Variants in RNF123 observed in about 807,000 individuals in gnomAD.
The protein encoded by RNF123 is ring finger protein 123.
A neutral mutation model predicts 168.5 loss-of-function variants in RNF123; 86 were observed. The ratio of observed to expected loss-of-function variants is 0.51; its 90% CI spans 0.43 to 0.61. RNF123 has a LOEUF of 0.61. Among genes scored for constraint, RNF123 ranks in the 20% least tolerant of loss-of-function variants. The pLI is 0.00. For missense variants in RNF123, 1,419 were observed against 1,729.7 expected, an observed-to-expected ratio of 0.82 and a Z score of 3.19; for synonymous variants, 666 against 689.1, an observed-to-expected ratio of 0.97 and a Z score of 0.52.
intron 26 of RNF123, among the ~76,000 whole-genome samples, chr3:49,710,664 T>A (rs921255464): frequency 6.6e-6 from 1 of 152,240 alleles, no homozygotes; most frequent in Non-Finnish European, 1.5e-5. Context: ...TTTCTACTTA[T>A]AAAATCATGT....
At chr3:49,717,746 G>A in intron 35 of RNF123, 1 of 633,846 alleles carries the variant, frequency 1.6e-6, no homozygotes, top group Non-Finnish European at 2.7e-6. Context: ...GTCCTGTGCA[G>A]GGGCAGAGCA....
rs780652889 is a variant in RNF123 at position 49,699,073 on chromosome 3, C to A, written c.732C>A (p.Ser244=). 1 of 1,613,778 alleles carries A rather than the reference C, an allele frequency of 6.2e-7. No homozygotes were observed. Among genetic ancestry groups the A allele is most frequent in the African/African-American group, 1.3e-5 (1 of 75,040 alleles). Reference sequence around the variant, plus strand: ...CCATCAGCCTCTCTTTCAAGGAGTCCGTGGCCTTCAACTTTGGCAGCCGTC... The same window carrying A: ...CCATCAGCCTCTCTTTCAAGGAGTCAGTGGCCTTCAACTTTGGCAGCCGTC... ...FPAISLSFKE[S]VAFNFGSRPL... Residue 244 remains serine, a synonymous_variant, in exon 10 of 39, where the codon TCC becomes TCA. Coordinates refer to ENST00000327697, the MANE Select transcript of RNF123 (RefSeq NM_022064.5). This position sits in a 1 kb window ranked among gnomAD's most constrained non-coding sequence, Gnocchi z 4.8.
rs373600066 is a variant in RNF123 at position 49,713,735 on chromosome 3, C to T, written c.2750-3C>T. The T allele has an allele frequency of 2.6e-5, 41 of 1,597,780 alleles. No homozygotes were observed. In the African/African-American group the frequency reaches 5.4e-4, roughly 21 times the overall value. On this transcript the variant is annotated splice_polypyrimidine_tract_variant and splice_region_variant and intron_variant, in intron 28 of 38. Transcript: ENST00000327697. ...CCTGCTGAGGCACGGTGTGTCCCCGCAGACATCCGAGACTCACTGATGCAG... is the reference window on the plus strand; with the variant it reads ...CCTGCTGAGGCACGGTGTGTCCCCGTAGACATCCGAGACTCACTGATGCAG...
chr3:49,711,152 A>G, intron 26 of RNF123, among the ~76,000 whole-genome samples: 1 of 152,180 alleles, frequency 6.6e-6, no homozygotes, highest in East Asian at 1.9e-4. Context: ...CCTGGCCAAC[A>G]TGGCGAAACC....
rs146592630 is a variant in RNF123 at position 49,699,681 on chromosome 3, T to C, written c.893T>C (p.Leu298Ser). ...VELDPVEGRLLDKESSKWRLR... is the reference protein window; with the variant it reads ...VELDPVEGRLSDKESSKWRLR... ...CCCTCCACACAGGAGGGGCGGCTGT[T>C]GGACAAGGAGAGCTCCAAGTGGCGG... The change falls in exon 12 of 39, where the codon TTG becomes TCG. Residue 298 changes from leucine to serine, a missense_variant. By Grantham distance (145) the Leu-to-Ser change is moderately radical (BLOSUM62 -2). Transcript: ENST00000327697. This position sits in a 1 kb window ranked among gnomAD's most constrained non-coding sequence, Gnocchi z 4.8. The C allele has an allele frequency of 4.3e-6, 7 of 1,613,830 alleles. No homozygotes were observed. The African/African-American group carries it at 8.0e-5, about 18-fold the overall frequency.
At chr3:49,706,973 C>T (rs2054531957) in intron 26 of RNF123, 75 bp downstream of exon 26, 12 of 1,193,444 alleles carry the variant, frequency 1.0e-5, no homozygotes, top group Non-Finnish European at 1.2e-5. Flanking sequence ...TGCCAGGGCC[C>T]TTGATGCCCC....
chr3:49,707,001 G>A, intron 26 of RNF123, 103 bp downstream of exon 26: 2 of 844,122 alleles, frequency 2.4e-6, no homozygotes, highest in Non-Finnish European at 4.0e-6. Context: ...TCAGGCCTCT[G>A]GCACACACAT....
intron 21 of RNF123, 140 bp from the exon 22 acceptor site, chr3:49,704,510 G>A (rs1287251092): frequency 9.2e-6 from 6 of 649,988 alleles, no homozygotes; most frequent in Non-Finnish European, 1.6e-5. Flanking sequence ...AGGCGGAGGG[G>A]CGAGGGGCAG....
At chr3:49,698,856 C>A in intron 9 of RNF123, 34 bp downstream of exon 9, 1 of 1,610,200 alleles carries the variant, frequency 6.2e-7, no homozygotes, top group Non-Finnish European at 8.5e-7. Context: ...AGGCCTGGCC[C>A]CTGGGGCCTC....
chr3:49,718,041 T>C, intron 35 of RNF123: 2 of 1,613,680 alleles, frequency 1.2e-6, no homozygotes, highest in Admixed American at 1.7e-5. Context: ...AGAGATCGAA[T>C]TCCTCAGCTA....
intron 3 of RNF123, among the ~76,000 whole-genome samples, chr3:49,693,096 T>C (rs906972798): frequency 3.3e-5 from 5 of 151,726 alleles, no homozygotes; most frequent in African/African-American, 9.7e-5. Flanking sequence ...TTGCCCAGGC[T>C]GGAGTGCAGG....
rs1034941768 is a variant in RNF123, at chr3:49,703,486, C to T, written c.1810C>T (p.Arg604Cys). 5.0e-6 allele frequency: 8 copies of T among 1,614,024 alleles called. No individual in the cohort carries two copies. The highest frequency in any genetic ancestry group is 2.2e-5 in the East Asian group (1 of 44,862). Residue 604 changes from arginine to cysteine, a missense_variant, in exon 21 of 39, where the codon CGC (arginine) becomes TGC (cysteine). Physicochemically the swap from Arg to Cys is radical, Grantham distance 180. This residue lies in a region of RNF123 where 349 missense variants were observed against 344.9 expected (regional missense o/e 1.01). Transcript: ENST00000327697. The part of the protein sequence containing the change: ...NGKVDYFDLQ[R>C]LGGLLSHLRK... ...CAAGGTGGACTACTTTGACCTGCAG[C>T]GCCTGGGGGGCCTCCTCTCGCACCT...
chr3:49,706,575 C>G (rs530619610), intron 25 of RNF123, among the ~76,000 whole-genome samples: 1 of 152,362 alleles, frequency 6.6e-6, no homozygotes, highest in Admixed American at 6.5e-5. Context: ...CCAGCTGGGC[C>G]TCACTTCCAT....
Position 49,705,027 on chromosome 3 carries a change from C to T in RNF123, c.2003C>T (p.Pro668Leu). Residue 668 changes from proline (P) to leucine (L), a missense_variant, in exon 23 of 39, where the codon CCC becomes CTC. Coordinates refer to ENST00000327697, the MANE Select transcript of RNF123 (RefSeq NM_022064.5). ...GCTGTTGGGGGGCCACTGCCCCTGC[C>T]CCGGCCCGGCTGGCTCAGTTCTCCA... ...ALAVGGPLPLPRPGWLSSPTL... is the reference protein window; with the variant it reads ...ALAVGGPLPLLRPGWLSSPTL... 6.2e-7 allele frequency: 1 copy of T among 1,609,794 alleles called. No individual in the cohort carries two copies. Among genetic ancestry groups the T allele is most frequent in the Non-Finnish European group, 8.5e-7 (1 of 1,178,832 alleles).
rs1261581193 is a variant in RNF123, at chr3:49,700,489, T to C, written c.1128T>C (p.Asp376=). Residue 376 remains aspartate, a synonymous_variant, in exon 14 of 39, where the codon GAT becomes GAC. Coordinates refer to ENST00000327697, the MANE Select transcript of RNF123 (RefSeq NM_022064.5). ...WLFMEDYEVQ[D]CLKQLMMSLL... Reference sequence around the variant, plus strand: ...TCCCCCAGGACTACGAGGTACAAGATTGCCTCAAGCAGTTGATGATGTCTC... The same window carrying C: ...TCCCCCAGGACTACGAGGTACAAGACTGCCTCAAGCAGTTGATGATGTCTC... 1 of 1,614,122 alleles carries C rather than the reference T, an allele frequency of 6.2e-7. No homozygotes were observed. The highest frequency in any genetic ancestry group is 2.2e-5 in the East Asian group (1 of 44,872).
Position 49,699,864 on chromosome 3 carries a change from C to A in RNF123, c.984+92C>A. 1.5e-6 allele frequency: 2 copies of A among 1,305,676 alleles called. No homozygotes were observed. Among genetic ancestry groups the A allele is most frequent in the Non-Finnish European group, 2.2e-6 (2 of 920,414 alleles). The allele number at this position is 1,305,676 out of a possible 1,614,324, so 80.9% of individuals were successfully genotyped here. A position where few individuals can be genotyped will look rare whatever the true frequency, so the allele number is the denominator to read the frequency against. On this transcript the variant is annotated intron_variant, in intron 12 of 38. Transcript: ENST00000327697. This position sits in a 1 kb window ranked among gnomAD's most constrained non-coding sequence, Gnocchi z 4.8. The stretch of plus-strand genomic sequence containing the variant: ...TGTGCCCTCACTGAGGGCTGCAGTG[C>A]TGAGGTCCCACAGCATCACCTGGCG...
chr3:49,694,372 G>C (rs1191276304), intron 3 of RNF123, among the ~76,000 whole-genome samples: 2 of 152,176 alleles, frequency 1.3e-5, no homozygotes, highest in African/African-American at 2.4e-5. Flanking sequence ...ATCATCAAAT[G>C]TTATCCCGTG....
intron 16 of RNF123, 44 bp downstream of exon 16, chr3:49,701,652 C>T (rs2054390144): frequency 1.3e-6 from 2 of 1,569,194 alleles, no homozygotes; most frequent in Non-Finnish European, 1.8e-6. Flanking sequence ...ATGGCAAGGC[C>T]CCTGGCCTGG....
chr3:49,694,708 C>T (rs1214314226), intron 3 of RNF123, among the ~76,000 whole-genome samples: 1 of 152,226 alleles, frequency 6.6e-6, no homozygotes, highest in Non-Finnish European at 1.5e-5. Flanking sequence ...AAGGCAGCAA[C>T]GTTACCTGTT....
Sources: gnomAD v4.1 joint callset for allele counts (sites outside exome capture counted in the v4.1 genomes callset) on GRCh38, gnomAD v4.1.1 for gene constraint, gnomAD v4.1.1 regional missense constraint, Gnocchi (gnomAD v3.1) non-coding constraint, MANE v1.5 for transcripts, NCBI Gene and HGNC (gene_info 2026-07-23, HGNC 2026-07-21) for gene names.